The following NALF1 variants were observed in gnomAD, a reference collection of about 807,000 sequenced individuals.
The protein encoded by NALF1 is family with sequence similarity 155 member A.
A neutral mutation model predicts 48.4 loss-of-function variants in NALF1; 3 were observed. That is an observed-to-expected ratio of 0.06 (90% CI 0.03 to 0.16). The LOEUF is 0.16. Among genes scored for constraint, NALF1 ranks in the 10% least tolerant of loss-of-function variants. The pLI, the probability that NALF1 is intolerant of heterozygous loss-of-function variation, is 1.00. For missense variants in NALF1, 526 were observed against 571.5 expected (o/e 0.92, Z 0.81); for synonymous variants, 262 against 245.7 (o/e 1.07, Z -0.62).
chr13:107,237,224 GAGAA>G (rs1424006508), intron 1 of NALF1, among the ~76,000 whole-genome samples: 2 of 151,822 alleles, frequency 1.3e-5, no homozygotes, highest in Non-Finnish European at 2.9e-5. Flanking sequence ...AATATATAAT[GAGAA>G]AGGCTGGATG....
At chr13:107,714,312 T>C (rs888692418) in intron 1 of NALF1, among the ~76,000 whole-genome samples, 1 of 152,170 alleles carries the variant, frequency 6.6e-6, no homozygotes, top group Non-Finnish European at 1.5e-5. Flanking sequence ...CTCTGCTTCC[T>C]GGCTTCACAC....
At chr13:107,558,408 T>C (rs1020310656) in intron 1 of NALF1, among the ~76,000 whole-genome samples, 2 of 152,194 alleles carry the variant, frequency 1.3e-5, no homozygotes, top group African/African-American at 4.8e-5. Context: ...GCTATATGTA[T>C]AGTATAGTAT....
chr13:107,691,560 A>G (rs1463069655), intron 1 of NALF1, among the ~76,000 whole-genome samples: 1 of 152,218 alleles, frequency 6.6e-6, no homozygotes, highest in Non-Finnish European at 1.5e-5. Context: ...CCATATGTTC[A>G]AAGTCAAATA....
chr13:107,278,544 A>T (rs1364609064), intron 1 of NALF1, among the ~76,000 whole-genome samples: 2 of 152,234 alleles, frequency 1.3e-5, no homozygotes, highest in East Asian at 3.9e-4. Context: ...GAATGAATGA[A>T]TCTATCATAT....
At chr13:107,603,098 T>C (rs1467421336) in intron 1 of NALF1, among the ~76,000 whole-genome samples, 1 of 152,214 alleles carries the variant, frequency 6.6e-6, no homozygotes, top group African/African-American at 2.4e-5. Context: ...TGCTTATTGT[T>C]TTATAAAGCA....
chr13:107,866,265 C>T lies in NALF1; in HGVS notation c.332G>A (p.Gly111Glu). The T allele has an allele frequency of 6.3e-7, 1 of 1,596,746 alleles. No homozygotes were observed. The highest frequency in any genetic ancestry group is 8.5e-7 in the Non-Finnish European group (1 of 1,173,686). ...PSWPALLASM[G>E]ESSPAAQAHR... The stretch of plus-strand genomic sequence containing the variant: ...TGCCTGGGCGGCGGGCGAGGACTCC[C>T]CCATGCTCGCCAGGAGCGCGGGCCA... Residue 111 changes from glycine (G) to glutamate (E), a missense_variant, in exon 1 of 3, where the codon GGG (glycine) becomes GAG (glutamate). Transcript: ENST00000375915. This position sits in a 1 kb window ranked among gnomAD's most constrained non-coding sequence, Gnocchi z 4.4.
Position 107,735,957 on chromosome 13 carries a change from C to A in NALF1, c.915+129725G>T, listed in dbSNP as rs1040026468. Among the ~76,000 whole-genome samples, 17 of 152,218 alleles carry A rather than the reference C, an allele frequency of 1.1e-4. 1 individual carries two copies. Among genetic ancestry groups the A allele is most frequent in the Admixed American group, 7.2e-4 (11 of 15,276 alleles). ...ACTTTTCTCTGCTCTGAGTTATATGCTTCTCTTATGGCATTTGCCTCATTT... is the reference window on the plus strand; with the variant it reads ...ACTTTTCTCTGCTCTGAGTTATATGATTCTCTTATGGCATTTGCCTCATTT... On this transcript the variant is annotated intron_variant, in intron 1 of 2. Transcript: ENST00000375915.
At chr13:107,695,417 A>C (rs546177831) in intron 1 of NALF1, among the ~76,000 whole-genome samples, 7 of 152,216 alleles carry the variant, frequency 4.6e-5, no homozygotes, top group Non-Finnish European at 8.8e-5. Context: ...TCACTGTGAC[A>C]CAAGAAAACA....
At chr13:107,723,068 A>G (rs1017394697) in intron 1 of NALF1, among the ~76,000 whole-genome samples, 1 of 152,228 alleles carries the variant, frequency 6.6e-6, no homozygotes, top group African/African-American at 2.4e-5. Flanking sequence ...CAAATCTTAA[A>G]TTCCTTGGGA....
intron 1 of NALF1, among the ~76,000 whole-genome samples, chr13:107,323,363 AT>A (rs965777575): frequency 1.3e-5 from 2 of 152,174 alleles, no homozygotes; most frequent in African/African-American, 4.8e-5. Flanking sequence ...TCAAATCACT[AT>A]TTTAAAATTA....
chr13:107,704,956 G>C (rs4771576), intron 1 of NALF1, among the ~76,000 whole-genome samples: 146,025 of 152,266 alleles, frequency 0.96, 70,280 homozygotes, highest in Non-Finnish European at 1. Flanking sequence ...TATTATTAGT[G>C]TCATGCCTGG....
chr13:107,261,150 A>T (rs1304150014), intron 1 of NALF1, among the ~76,000 whole-genome samples: 1 of 152,248 alleles, frequency 6.6e-6, no homozygotes, highest in African/African-American at 2.4e-5. Flanking sequence ...ATTAAAAAGT[A>T]AATAAATACA....
intron 1 of NALF1, among the ~76,000 whole-genome samples, chr13:107,262,506 A>G (rs558307106): frequency 1.5e-4 from 23 of 152,208 alleles, no homozygotes; most frequent in Non-Finnish European, 2.6e-4. Context: ...CCAAAACAAT[A>G]GTCATCTCCA....
chr13:107,683,418 TATGTA>T (rs1881353304), intron 1 of NALF1, among the ~76,000 whole-genome samples: 1 of 152,222 alleles, frequency 6.6e-6, no homozygotes, highest in African/African-American at 2.4e-5. Flanking sequence ...TATCTGCCTA[TATGTA>T]GTCAAGAGAC....
At chr13:107,204,473 C>A (rs1214018504) in intron 2 of NALF1, among the ~76,000 whole-genome samples, 1 of 152,182 alleles carries the variant, frequency 6.6e-6, no homozygotes, top group African/African-American at 2.4e-5. Flanking sequence ...CTGGCAGAAT[C>A]CAGACATCCT....
chr13:107,781,071 T>C (rs1594261739), intron 1 of NALF1, among the ~76,000 whole-genome samples: 1 of 152,214 alleles, frequency 6.6e-6, no homozygotes, highest in African/African-American at 2.4e-5. Context: ...AAATTTATAG[T>C]GGATTTGCAT....
intron 1 of NALF1, among the ~76,000 whole-genome samples, chr13:107,237,951 A>C (rs1276880032): frequency 6.6e-6 from 1 of 152,212 alleles, no homozygotes; most frequent in Non-Finnish European, 1.5e-5. Flanking sequence ...GGAGCCATTA[A>C]CATACACACT....
intron 1 of NALF1, among the ~76,000 whole-genome samples, chr13:107,453,703 A>G (rs963310571): frequency 6.6e-6 from 1 of 152,214 alleles, no homozygotes; most frequent in Non-Finnish European, 1.5e-5. Flanking sequence ...ATTTCTCCTA[A>G]GGAAACAAGT....
chr13:107,586,433 C>T (rs1430433697), intron 1 of NALF1, among the ~76,000 whole-genome samples: 1 of 152,022 alleles, frequency 6.6e-6, no homozygotes, highest in South Asian at 2.1e-4. Flanking sequence ...GGACTCCAAA[C>T]AGTAAATTCA....
Sources: allele counts gnomAD v4.1 joint callset (sites outside exome capture counted in the v4.1 genomes callset), GRCh38; gene constraint gnomAD v4.1.1; non-coding constraint Gnocchi (gnomAD v3.1); transcripts MANE v1.5; gene names NCBI Gene and HGNC (gene_info 2026-07-23, HGNC 2026-07-21).